Variants in FAAP20 observed in about 807,000 individuals in gnomAD.
FAAP20 encodes the protein FA core complex associated protein 20.
Under a neutral mutation model 16.2 loss-of-function variants are expected in FAAP20, and 12 were observed. The observed-to-expected ratio is 0.74, with a 90% CI of 0.48 to 1.20. The LOEUF (loss-of-function observed/expected upper bound fraction) is 1.20, where lower values mean the gene tolerates loss of function less well. Ranked by LOEUF, FAAP20 falls within the 50% of genes most tolerant of loss-of-function variation. The pLI, the probability that FAAP20 is intolerant of heterozygous loss-of-function variation, is 0.00. For missense variants in FAAP20, 288 were observed against 245.8 expected, an observed-to-expected ratio of 1.17 and a Z score of -1.15; for synonymous variants, 141 against 110.7, an observed-to-expected ratio of 1.27 and a Z score of -1.72.
At chr1:2,207,470 G>C (rs1323822523), downstream of FAAP20, 1 of 152,226 alleles carries the variant, frequency 6.6e-6, no homozygotes, top group Non-Finnish European at 1.5e-5. Flanking sequence ...GGAGCCGTGT[G>C]CTCCTGATCC....
At chr1:2,204,825 C>A (rs921565347), upstream of FAAP20, among the ~76,000 whole-genome samples, 1 of 152,054 alleles carries the variant, frequency 6.6e-6, no homozygotes, top group African/African-American at 2.4e-5. Flanking sequence ...ACCTCAGACC[C>A]GAGCTAGCTC....
chr1:2,201,223 C>A, upstream of FAAP20: 1 of 1,205,670 alleles, frequency 8.3e-7, no homozygotes, highest in Non-Finnish European at 1.1e-6. Flanking sequence ...TCCCTCGCTG[C>A]CCCTGTGTTG....
At chr1:2,203,387 C>T, upstream of FAAP20, 1 of 979,804 alleles carries the variant, frequency 1.0e-6, no homozygotes, top group Non-Finnish European at 1.2e-6. Flanking sequence ...CCATGGCTGC[C>T]CTGCCCAGGC....
Position 2,194,052 on chromosome 1 carries a change from G to A in FAAP20, c.144C>T (p.Ser48=), listed in dbSNP as rs1688571014. The A allele has an allele frequency of 1.2e-6, 2 of 1,612,534 alleles. No individual in the cohort carries two copies. Among genetic ancestry groups the A allele is most frequent in the Admixed American group, 1.7e-5 (1 of 60,002 alleles). ...CCTCGTGATCCAGGATCAGCTCCGG[G>A]CTCACCGTGCGCAGTAGCTCGGCCC... The part of the protein sequence containing the change: ...RLWAELLRTV[S]PELILDHEVP... Residue 48 remains serine (S), a synonymous_variant, in exon 2 of 4, where the codon AGC becomes AGT. Transcript: ENST00000378546.
chr1:2,192,839 A>C (rs1572110678), intron 3 of FAAP20: 2 of 1,251,692 alleles, frequency 1.6e-6, no homozygotes, highest in Non-Finnish European at 2.1e-6. Context: ...GGCTCCAGCA[A>C]CCCACCTGCC....
At chr1:2,192,614 A>G (rs1376840139) in intron 3 of FAAP20, 8 of 1,153,570 alleles carry the variant, frequency 6.9e-6, no homozygotes, top group East Asian at 1.2e-4. Flanking sequence ...AGGGCTCCCA[A>G]CAGTACCCTC....
At chr1:2,210,918 G>A (rs1255378118), downstream of FAAP20, among the ~76,000 whole-genome samples, 1 of 152,248 alleles carries the variant, frequency 6.6e-6, no homozygotes, top group Non-Finnish European at 1.5e-5. Flanking sequence ...TGCTGCGGGG[G>A]ACCTGGGCCT....
upstream of FAAP20, among the ~76,000 whole-genome samples, chr1:2,204,701 A>G (rs557474138): frequency 6.6e-6 from 1 of 152,192 alleles, no homozygotes; most frequent in East Asian, 1.9e-4. Flanking sequence ...CGGATGATGG[A>G]CTTGTGCTAA....
chr1:2,194,730 G>A lies in FAAP20; in HGVS notation c.20C>T (p.Pro7Leu), dbSNP rs1392766021. MEAARR[P>L]RLGLSRRRPR... ...CCTCCGGCGGCTCAACCCCAGCCGC[G>A]GCCTCCGCGCCGCCTCCATCCAAGC... Residue 7 changes from proline to leucine, a missense_variant, in exon 1 of 4, where the codon CCG becomes CTG. Physicochemically the swap from Pro to Leu is moderately conservative, Grantham distance 98. Coordinates refer to ENST00000378546, the MANE Select transcript of FAAP20 (RefSeq NM_182533.4). The A allele has an allele frequency of 2.6e-5, 31 of 1,192,062 alleles. No homozygotes were observed. Among genetic ancestry groups the A allele is most frequent in the Non-Finnish European group, 3.2e-5 (31 of 964,846 alleles). 73.8% of individuals were successfully genotyped at this position (1,192,062 alleles called of 1,614,324 possible). A position where few individuals can be genotyped will look rare whatever the true frequency, so the allele number is the denominator to read the frequency against.
upstream of FAAP20, among the ~76,000 whole-genome samples, chr1:2,202,292 C>T (rs1211417051): frequency 4.6e-5 from 7 of 152,116 alleles, no homozygotes; most frequent in South Asian, 2.1e-4. Context: ...TATGTGCCAC[C>T]GGACCCCATC....
At chr1:2,196,896 C>G (rs968243173), upstream of FAAP20, among the ~76,000 whole-genome samples, 3 of 152,090 alleles carry the variant, frequency 2.0e-5, no homozygotes, top group African/African-American at 7.2e-5. This position sits in a 1 kb window ranked among gnomAD's most constrained non-coding sequence, Gnocchi z 4.5. Context: ...TTGCTCAGCT[C>G]TCTGTGCCGT....
At chr1:2,184,645 C>A, downstream of FAAP20, 2 of 1,614,092 alleles carry the variant, frequency 1.2e-6, no homozygotes, top group South Asian at 2.2e-5. Flanking sequence ...ACGGTCTGGA[C>A]AACTTTGACA....
rs1687961260 is a variant in FAAP20 at position 2,189,789 on chromosome 1, G to C, written c.471-8C>G. 6.8e-6 allele frequency: 11 copies of C among 1,608,976 alleles called. No homozygotes were observed. Among genetic ancestry groups the C allele is most frequent in the Non-Finnish European group, 8.5e-6 (10 of 1,176,290 alleles). ...ACATCCAGCTGGGTCAGCCTGCAAG[G>C]GAGGGGCCACACTCACTCGGCCACC... On this transcript the variant is annotated splice_region_variant and splice_polypyrimidine_tract_variant and intron_variant, in intron 3 of 3. Coordinates refer to ENST00000378546, the MANE Select transcript of FAAP20 (RefSeq NM_182533.4).
downstream of FAAP20, chr1:2,186,152 A>C (rs1687559638): frequency 2.2e-6 from 1 of 445,808 alleles, no homozygotes; most frequent in South Asian, 1.6e-5. Context: ...GGCCTGGTGC[A>C]CAGGTGTGGA....
downstream of FAAP20, chr1:2,186,112 G>A (rs1374991924): frequency 1.3e-5 from 6 of 453,370 alleles, 1 homozygote; most frequent in South Asian, 6.3e-5. Flanking sequence ...CCTGGGAGAG[G>A]GGGTCGCGCC....
At chr1:2,185,200 AG>A, downstream of FAAP20, 1 of 709,178 alleles carries the variant, frequency 1.4e-6, no homozygotes. Context: ...GGGCCCGGGC[AG>A]GCCAGCTTCG....
At chr1:2,191,051 G>A (rs1195727379) in intron 3 of FAAP20, 8 of 152,926 alleles carry the variant, frequency 5.2e-5, no homozygotes, top group African/African-American at 1.9e-4. Context: ...GCCTTCTGAA[G>A]CCCCCGAGGG....
chr1:2,210,641 T>C (rs1254672170), downstream of FAAP20, among the ~76,000 whole-genome samples: 2 of 152,168 alleles, frequency 1.3e-5, no homozygotes, highest in African/African-American at 4.8e-5. Context: ...GCAGCACTAG[T>C]CCCTTTTGCA....
At chr1:2,207,904 A>G (rs1348352304), downstream of FAAP20, among the ~76,000 whole-genome samples, 3 of 132,606 alleles carry the variant, frequency 2.3e-5, no homozygotes, top group Non-Finnish European at 3.3e-5. Context: ...CGTTTTGGTA[A>G]CACCCGTGTG....
Sources: gnomAD v4.1 joint callset for allele counts (sites outside exome capture counted in the v4.1 genomes callset) on GRCh38, gnomAD v4.1.1 for gene constraint, Gnocchi (gnomAD v3.1) non-coding constraint, MANE v1.5 for transcripts, NCBI Gene and HGNC (gene_info 2026-07-23, HGNC 2026-07-21) for gene names.